The following GPC6 variants were observed in gnomAD, a reference collection of about 807,000 sequenced individuals.
GPC6 encodes glypican 6, also known as glypican-6.
In GPC6, 14 loss-of-function variants were observed where a neutral mutation model predicts 55.2. The ratio of observed to expected loss-of-function variants is 0.25; its 90% CI spans 0.17 to 0.40. GPC6 has a LOEUF of 0.40. Ranked by LOEUF, GPC6 falls within the 10% of genes least tolerant of loss-of-function variation. The pLI, the probability that GPC6 is intolerant of heterozygous loss-of-function variation, is 1.00. For synonymous variants in GPC6, 278 were observed against 259.6 expected, an observed-to-expected ratio of 1.07 and a Z score of -0.68; for missense variants, 641 against 708.5, an observed-to-expected ratio of 0.90 and a Z score of 1.08.
intron 4 of GPC6, among the ~76,000 whole-genome samples, chr13:94,123,167 TA>T (rs1261156063): frequency 1.3e-5 from 2 of 152,090 alleles, no homozygotes; most frequent in African/African-American, 2.4e-5. Context: ...ATACTATTAG[TA>T]AATATTTAAG....
At chr13:93,960,676 T>C (rs998697963) in intron 3 of GPC6, among the ~76,000 whole-genome samples, 19 of 152,180 alleles carry the variant, frequency 1.2e-4, no homozygotes, top group Admixed American at 2.6e-4. Context: ...CCAAGTTTTT[T>C]TCCATCTCAT....
chr13:94,157,800 G>T (rs966280877), intron 4 of GPC6, among the ~76,000 whole-genome samples: 1 of 152,116 alleles, frequency 6.6e-6, no homozygotes, highest in Non-Finnish European at 1.5e-5. Flanking sequence ...TAGGTATCAC[G>T]TCAGCCATGT....
At chr13:94,275,050 T>G (rs967549434) in intron 4 of GPC6, among the ~76,000 whole-genome samples, 1 of 152,232 alleles carries the variant, frequency 6.6e-6, no homozygotes, top group Non-Finnish European at 1.5e-5. Context: ...AGTTAGTTTT[T>G]ATAAACTTTC....
chr13:93,373,870 G>A (rs1874777715), intron 1 of GPC6, among the ~76,000 whole-genome samples: 1 of 152,166 alleles, frequency 6.6e-6, no homozygotes, highest in South Asian at 2.1e-4. Context: ...ATATAACTCA[G>A]TAACAAGGAA....
At chr13:93,581,966 G>A (rs547826100) in intron 2 of GPC6, among the ~76,000 whole-genome samples, 2 of 152,258 alleles carry the variant, frequency 1.3e-5, no homozygotes, top group Non-Finnish European at 2.9e-5. Context: ...GATATCAGGG[G>A]TTGTTAAGAG....
chr13:93,642,329 C>T (rs959402951), intron 2 of GPC6, among the ~76,000 whole-genome samples: 1 of 152,046 alleles, frequency 6.6e-6, no homozygotes, highest in Non-Finnish European at 1.5e-5. Flanking sequence ...TGATCTCATT[C>T]ATTATTATGG....
In GPC6 at chr13:94,129,118, A is replaced by C. The variant is rs560611592; in HGVS notation, c.877+101224A>C. On this transcript the variant is annotated intron_variant, in intron 4 of 8. Transcript: ENST00000377047. ...ATAGTATTCAGTTATGTAGGTATTT[A>C]TAATGTGTGTTTAGCACATTTTAAA... Among the ~76,000 whole-genome samples the C allele has an allele frequency of 1.2e-4, 18 of 152,316 alleles. No individual in the cohort carries two copies. The South Asian group carries it at 3.7e-3, about 32-fold the overall frequency.
intron 2 of GPC6, among the ~76,000 whole-genome samples, chr13:93,783,401 CCACACT>C (rs1885718534): frequency 5.3e-5 from 1 of 19,020 alleles, no homozygotes. Flanking sequence ...ACCACACTGT[CCACACT>C]GTCTTCTACA....
intron 2 of GPC6, among the ~76,000 whole-genome samples, chr13:93,723,605 C>A (rs1431552456): frequency 6.6e-6 from 1 of 151,938 alleles, no homozygotes; most frequent in Non-Finnish European, 1.5e-5. Context: ...TTGTTCTAAG[C>A]TACTGTCTTT....
chr13:93,924,790 A>T (rs1479908988), intron 3 of GPC6, among the ~76,000 whole-genome samples: 1 of 150,332 alleles, frequency 6.7e-6, no homozygotes, highest in African/African-American at 2.4e-5. Flanking sequence ...ATCTTGAGTC[A>T]CATTAGTTAA....
At chr13:94,142,858 C>T (rs11070076) in intron 4 of GPC6, among the ~76,000 whole-genome samples, 10,067 of 150,294 alleles carry the variant, frequency 0.067, 622 homozygotes, top group African/African-American at 0.16. Flanking sequence ...GAGACTGAGG[C>T]TCTCTCTGTC....
intron 1 of GPC6, among the ~76,000 whole-genome samples, chr13:93,400,175 C>A (rs1463678206): frequency 6.6e-6 from 1 of 152,106 alleles, no homozygotes; most frequent in Admixed American, 6.5e-5. Context: ...TTTCTAAGCT[C>A]ACCTCTTCCG....
chr13:93,847,769 T>C (rs529336675), intron 3 of GPC6, among the ~76,000 whole-genome samples: 58 of 152,224 alleles, frequency 3.8e-4, no homozygotes, highest in Middle Eastern at 3.4e-3. Context: ...ATGCTGCAAA[T>C]TGTGATGTGT....
chr13:93,568,392 A>G (rs1367782116), intron 2 of GPC6, among the ~76,000 whole-genome samples: 2 of 152,222 alleles, frequency 1.3e-5, no homozygotes, highest in East Asian at 1.9e-4. Context: ...CATGCCCAAC[A>G]TGATTTTGAT....
intron 3 of GPC6, among the ~76,000 whole-genome samples, chr13:93,933,276 A>C (rs1051976385): frequency 6.6e-6 from 1 of 152,136 alleles, no homozygotes; most frequent in Non-Finnish European, 1.5e-5. Flanking sequence ...TGGAGGTCCT[A>C]CTGGCGTCTA....
intron 1 of GPC6, among the ~76,000 whole-genome samples, chr13:93,309,767 C>A (rs151328824): frequency 1.3e-5 from 2 of 152,070 alleles, no homozygotes; most frequent in East Asian, 1.9e-4. Context: ...ATATAATGTA[C>A]GTAGTAATGT....
intron 1 of GPC6, among the ~76,000 whole-genome samples, chr13:93,338,071 A>T (rs1880109596): frequency 1.3e-5 from 2 of 152,168 alleles, no homozygotes; most frequent in Non-Finnish European, 2.9e-5. Context: ...ATATTTTATA[A>T]CATCACGAGG....
intron 1 of GPC6, among the ~76,000 whole-genome samples, chr13:93,496,029 C>A (rs1180968132): frequency 6.6e-6 from 1 of 151,924 alleles, no homozygotes; most frequent in African/African-American, 2.4e-5. Context: ...AGGCAGGCCT[C>A]CTTGAGCTGT....
chr13:94,379,053 A>G (rs955721875), intron 6 of GPC6, among the ~76,000 whole-genome samples: 1 of 152,172 alleles, frequency 6.6e-6, no homozygotes, highest in Non-Finnish European at 1.5e-5. Flanking sequence ...TTTCCAGGAA[A>G]AAAAACCAAA....
Sources: allele counts gnomAD v4.1 joint callset (sites outside exome capture counted in the v4.1 genomes callset), GRCh38; gene constraint gnomAD v4.1.1; transcripts MANE v1.5; gene names NCBI Gene and HGNC (gene_info 2026-07-23, HGNC 2026-07-21).